SLC16A7: variants seen among roughly 807,000 people sequenced by gnomAD.
SLC16A7 encodes the protein monocarboxylate transporter 2.
In SLC16A7, 33 loss-of-function variants were observed where a neutral mutation model predicts 34.9. That is an observed-to-expected ratio of 0.94 (90% confidence interval 0.72 to 1.26). The LOEUF (loss-of-function observed/expected upper bound fraction) is 1.26, where lower values mean the gene tolerates loss of function less well. Ranked by LOEUF, SLC16A7 falls within the 50% of genes most tolerant of loss-of-function variation. The probability of loss-of-function intolerance (pLI) is 0.00; values close to 1 mark genes in which losing one functional copy is unlikely to be tolerated. For synonymous variants in SLC16A7, 201 were observed against 206.6 expected (o/e 0.97, Z 0.23); for missense variants, 573 against 578.1 (o/e 0.99, Z 0.09).
chr12:59,625,902 T>C (rs1195633058), intron 1 of SLC16A7, among the ~76,000 whole-genome samples: 3 of 151,818 alleles, frequency 2.0e-5, no homozygotes, highest in Non-Finnish European at 4.4e-5. Flanking sequence ...TATAATTCCC[T>C]TTATATAAAA....
intron 1 of SLC16A7, among the ~76,000 whole-genome samples, chr12:59,650,268 T>A (rs891283586): frequency 6.6e-6 from 1 of 152,008 alleles, no homozygotes; most frequent in Non-Finnish European, 1.5e-5. Context: ...AAAGGAGATA[T>A]GGTATTATGA....
At chr12:59,675,155 T>C (rs1389247813) in intron 2 of SLC16A7, among the ~76,000 whole-genome samples, 1 of 152,222 alleles carries the variant, frequency 6.6e-6, no homozygotes, top group Admixed American at 6.5e-5. Context: ...GAGGACAGGC[T>C]CAAATGCACA....
intron 1 of SLC16A7, among the ~76,000 whole-genome samples, chr12:59,653,112 T>G (rs1309851662): frequency 6.6e-6 from 1 of 151,864 alleles, no homozygotes; most frequent in Non-Finnish European, 1.5e-5. Flanking sequence ...ATAAAATCAC[T>G]CTTTAAGACA....
At chr12:59,655,063 C>G (rs1868466785) in intron 1 of SLC16A7, 89 bp from the exon 2 acceptor site, 1 of 151,942 alleles carries the variant, frequency 6.6e-6, no homozygotes, top group South Asian at 2.1e-4. Flanking sequence ...GTTATTAAGT[C>G]TTTCAGATAT....
At chr12:59,745,339 G>A (rs1017872810) in intron 3 of SLC16A7, among the ~76,000 whole-genome samples, 12 of 152,152 alleles carry the variant, frequency 7.9e-5, no homozygotes, top group African/African-American at 2.9e-4. Context: ...CATTGTCACT[G>A]GCATAGAGTC....
intron 3 of SLC16A7, among the ~76,000 whole-genome samples, chr12:59,732,145 C>G (rs768635321): frequency 6.6e-6 from 1 of 152,000 alleles, no homozygotes; most frequent in Non-Finnish European, 1.5e-5. Context: ...TGGCTGGGCA[C>G]AGTGGCGCAT....
intron 3 of SLC16A7, chr12:59,735,944 C>A: frequency 8.1e-7 from 1 of 1,241,894 alleles, no homozygotes; most frequent in Non-Finnish European, 1.0e-6. Flanking sequence ...AAAGGAGAAG[C>A]GGAATGCATC....
In SLC16A7 at chr12:59,648,142, T is replaced by A. The variant is rs536247685; in HGVS notation, c.-129-7010T>A. On this transcript the variant is annotated intron_variant, in intron 1 of 5. Coordinates refer to ENST00000547379, the MANE Select transcript of SLC16A7 (RefSeq NM_001270623.2). ...TAGGGAACTTAAGGTTAAGGGATGA[T>A]GTTAGAACTGTAATGGAGGAGAGGA... Among the ~76,000 whole-genome samples, 7 of 152,230 alleles carry A rather than the reference T, an allele frequency of 4.6e-5. No individual in the cohort carries two copies. The East Asian group carries it at 1.4e-3, about 29-fold the overall frequency.
At chr12:59,647,942 A>G (rs928960965) in intron 1 of SLC16A7, among the ~76,000 whole-genome samples, 6 of 152,152 alleles carry the variant, frequency 3.9e-5, no homozygotes, top group South Asian at 2.1e-4. Flanking sequence ...AGTCCCTGCT[A>G]TTTGGGAGGC....
chr12:59,630,482 C>T (rs1880131858), intron 1 of SLC16A7, among the ~76,000 whole-genome samples: 1 of 151,834 alleles, frequency 6.6e-6, no homozygotes, highest in South Asian at 2.1e-4. Context: ...AAATATCTTT[C>T]ATCAGGGTTG....
At chr12:59,656,711 C>A (rs970055389) in intron 2 of SLC16A7, among the ~76,000 whole-genome samples, 1 of 151,882 alleles carries the variant, frequency 6.6e-6, no homozygotes, top group Non-Finnish European at 1.5e-5. Flanking sequence ...GTAGAAACAG[C>A]GGTTTATGCC....
At chr12:59,755,954 A>C (rs182898932) in intron 3 of SLC16A7, among the ~76,000 whole-genome samples, 2 of 152,196 alleles carry the variant, frequency 1.3e-5, no homozygotes, top group South Asian at 2.1e-4. Context: ...ATAACGCTGC[A>C]TATCTACAAC....
intron 1 of SLC16A7, among the ~76,000 whole-genome samples, chr12:59,628,494 G>A (rs1033059155): frequency 6.6e-6 from 1 of 151,648 alleles, no homozygotes. Context: ...AGGAAATTAC[G>A]CCGGAGTCCC....
At chr12:59,675,492 GA>G (rs11344830) in intron 2 of SLC16A7, among the ~76,000 whole-genome samples, 76,792 of 151,882 alleles carry the variant, frequency 0.51, 20,644 homozygotes, top group East Asian at 0.71. Flanking sequence ...CCGGAACTGT[GA>G]AAAAAACAAA....
chr12:59,615,878 T>A (rs901853618), intron 1 of SLC16A7, among the ~76,000 whole-genome samples: 3 of 152,318 alleles, frequency 2.0e-5, no homozygotes, highest in South Asian at 4.1e-4. Context: ...CTGGAACCTG[T>A]TTGTTACCTA....
chr12:59,668,215 C>T (rs116126385), intron 2 of SLC16A7, among the ~76,000 whole-genome samples: 253 of 152,230 alleles, frequency 1.7e-3, no homozygotes, highest in African/African-American at 5.8e-3. Context: ...GAGAAGAGGG[C>T]CACCATCCTT....
intron 1 of SLC16A7, among the ~76,000 whole-genome samples, chr12:59,614,714 G>T (rs943684536): frequency 6.6e-6 from 1 of 150,622 alleles, no homozygotes; most frequent in Non-Finnish European, 1.5e-5. Flanking sequence ...GCCGGGCATG[G>T]TGGCTCAAGG....
chr12:59,603,245 C>T (rs777164677), intron 1 of SLC16A7, among the ~76,000 whole-genome samples: 6 of 152,258 alleles, frequency 3.9e-5, no homozygotes, highest in Admixed American at 6.5e-5. Flanking sequence ...TAATTCTGTA[C>T]ATGGTATCAG....
chr12:59,600,967 G>A (rs1878654428), intron 1 of SLC16A7, among the ~76,000 whole-genome samples: 1 of 152,040 alleles, frequency 6.6e-6, no homozygotes, highest in African/African-American at 2.4e-5. Context: ...TGGCCTAAAG[G>A]TACTTTCGTT....
Sources: allele counts gnomAD v4.1 joint callset (sites outside exome capture counted in the v4.1 genomes callset), GRCh38; gene constraint gnomAD v4.1.1; transcripts MANE v1.5; gene names NCBI Gene and HGNC (gene_info 2026-07-23, HGNC 2026-07-21).